The following TSPAN1 variants were observed in gnomAD, a reference collection of about 807,000 sequenced individuals.
TSPAN1 encodes tetraspanin 1, also known as tetraspanin-1.
In TSPAN1, 23 loss-of-function variants were observed where a neutral mutation model predicts 26.9. The ratio of observed to expected loss-of-function variants is 0.85; its 90% confidence interval spans 0.62 to 1.21. The LOEUF is 1.21. Among genes scored for constraint, TSPAN1 ranks in the 50% most tolerant of loss-of-function variants. The probability of loss-of-function intolerance (pLI) is 0.00; values close to 1 mark genes in which losing one functional copy is unlikely to be tolerated. For synonymous variants in TSPAN1, 115 were observed against 114.8 expected, an observed-to-expected ratio of 1.00 and a Z score of -0.01; for missense variants, 283 against 298.4, an observed-to-expected ratio of 0.95 and a Z score of 0.38.
intron 1 of TSPAN1, chr1:46,176,353 C>G (rs1440572612): frequency 6.5e-7 from 1 of 1,535,762 alleles, no homozygotes; most frequent in Non-Finnish European, 8.7e-7. Flanking sequence ...TTGATATCTT[C>G]TGCGGCTACA....
At chr1:46,193,985 C>G in the TSPAN1 span, 5 of 1,601,900 alleles carry the variant, frequency 3.1e-6, no homozygotes, top group African/African-American at 4.0e-5. Context: ...GGATCCCCAC[C>G]TAGGGAAGAC....
At chr1:46,193,576 G>A in the TSPAN1 span, 19 of 1,614,164 alleles carry the variant, frequency 1.2e-5, no homozygotes, top group Middle Eastern at 1.6e-4. Context: ...CATAGTAGCC[G>A]TCAATGAAAA....
intron 8 of TSPAN1, 31 bp from the exon 9 acceptor site, chr1:46,185,455 C>A: frequency 4.3e-6 from 7 of 1,613,074 alleles, no homozygotes; most frequent in Non-Finnish European, 5.1e-6. Context: ...CTATCATGTT[C>A]CCTCATCTCT....
chr1:46,196,001 T>G, the TSPAN1 span: 27 of 1,613,934 alleles, frequency 1.7e-5, no homozygotes, highest in Non-Finnish European at 2.1e-5. The surrounding 1 kb of genome is among the most constrained non-coding windows in gnomAD (Gnocchi z 4.4). Flanking sequence ...CACCCACCCC[T>G]AGAAACTCAC....
chr1:46,176,630 AT>A (rs1403699021), intron 1 of TSPAN1: 1 of 962,828 alleles, frequency 1.0e-6, no homozygotes, highest in Non-Finnish European at 1.5e-6. Flanking sequence ...AATCTTCTTT[AT>A]TGGGTCTGGC....
intron 2 of TSPAN1, 41 bp from the exon 3 acceptor site, chr1:46,181,059 A>C (rs777371369): frequency 6.3e-7 from 1 of 1,589,876 alleles, no homozygotes; most frequent in Admixed American, 1.7e-5. Flanking sequence ...AGGTGGGCCC[A>C]GGGGAAACAA....
chr1:46,192,736 C>T, the TSPAN1 span: 2 of 1,593,864 alleles, frequency 1.3e-6, no homozygotes, highest in Non-Finnish European at 1.7e-6. Context: ...CTCCATTCAT[C>T]CACTGTACCT....
rs1657387858 is a variant in TSPAN1 at position 46,184,642 on chromosome 1, G to A, written c.313G>A (p.Val105Met). ...LIFIAEVAAA[V>M]VALVYTTMAE... is the part of the protein sequence containing the mutation. Reference sequence around the variant, plus strand: ...CTTCATTGCTGAGGTTGCAGCTGCTGTGGTCGCCTTGGTGTACACCACAAT... The same window carrying A: ...CTTCATTGCTGAGGTTGCAGCTGCTATGGTCGCCTTGGTGTACACCACAAT... Residue 105 changes from valine (V) to methionine (M), a missense_variant, in exon 5 of 9, where the codon GTG becomes ATG. Val to Met is a conservative substitution (Grantham distance 21, BLOSUM62 1). Coordinates refer to ENST00000372003, the MANE Select transcript of TSPAN1 (RefSeq NM_005727.4). The A allele has an allele frequency of 6.2e-7, 1 of 1,614,044 alleles. No individual in the cohort carries two copies. Among genetic ancestry groups the A allele is most frequent in the South Asian group, 1.1e-5 (1 of 91,092 alleles).
the TSPAN1 span, chr1:46,191,686 G>A: frequency 3.2e-6 from 1 of 309,600 alleles, no homozygotes; most frequent in South Asian, 2.9e-5. Context: ...CTAGGCTGGA[G>A]TGCAGTGGCG....
At chr1:46,188,576 A>G, downstream of TSPAN1, 1 of 1,400,616 alleles carries the variant, frequency 7.1e-7, no homozygotes, top group Non-Finnish European at 9.5e-7. Flanking sequence ...ATGGAAGATA[A>G]ACTCTGTGGA....
chr1:46,187,809 T>C (rs895706227), downstream of TSPAN1, among the ~76,000 whole-genome samples: 4 of 152,166 alleles, frequency 2.6e-5, no homozygotes, highest in Non-Finnish European at 4.4e-5. Flanking sequence ...GGTGGCGAGA[T>C]ATGTCCAAGC....
At chr1:46,193,998 C>T in the TSPAN1 span, 1 of 1,595,068 alleles carries the variant, frequency 6.3e-7, no homozygotes, top group African/African-American at 1.3e-5. Flanking sequence ...GGGAAGACTT[C>T]TCAGGTGAGG....
intron 2 of TSPAN1, 26 bp from the exon 3 acceptor site, chr1:46,181,074 C>A: frequency 6.2e-7 from 1 of 1,612,114 alleles, no homozygotes; most frequent in Non-Finnish European, 8.5e-7. Flanking sequence ...AAACAAGGCC[C>A]TAACTTGCAC....
At chr1:46,189,098 C>A, downstream of TSPAN1, 1 of 1,501,602 alleles carries the variant, frequency 6.7e-7, no homozygotes, top group Admixed American at 2.4e-5. Context: ...AACTCAGGAA[C>A]GGGGTGTTGG....
downstream of TSPAN1, chr1:46,188,883 C>A: frequency 6.2e-7 from 1 of 1,612,846 alleles, no homozygotes; most frequent in South Asian, 1.1e-5. Context: ...ACCCTCAGGG[C>A]AGCATTCCAG....
At position 46,175,414 on chromosome 1, in the gene TSPAN1, G is replaced by A. The variant is rs1175646400; in HGVS notation, c.-142+5G>A. 1 of 392,920 alleles carries A rather than the reference G, an allele frequency of 2.5e-6. No individual in the cohort carries two copies. The highest frequency in any genetic ancestry group is 2.1e-5 in the African/African-American group (1 of 48,476). 24.3% of individuals were successfully genotyped at this position (392,920 alleles called of 1,614,324 possible). ...CGGTCACTGAAGCCTTTCCCTGTAA[G>A]TATTCAGCCATAACCCTCCCCTCAC... On this transcript the variant is annotated splice_donor_5th_base_variant and intron_variant, in intron 1 of 8. Transcript: ENST00000372003.
chr1:46,184,457 G>A, intron 4 of TSPAN1, 60 bp downstream of exon 4: 2 of 1,610,968 alleles, frequency 1.2e-6, no homozygotes, highest in South Asian at 2.2e-5. Context: ...TTGACACCAG[G>A]CCCTGGGATT....
intron 1 of TSPAN1, chr1:46,176,086 A>G (rs1355545021): frequency 5.7e-6 from 5 of 878,604 alleles, no homozygotes; most frequent in South Asian, 1.7e-5. Flanking sequence ...CGTGTTAGCC[A>G]GGATGGTCTC....
intron 1 of TSPAN1, among the ~76,000 whole-genome samples, chr1:46,177,335 C>CAA (rs200620983): frequency 1.1e-4 from 15 of 138,060 alleles, no homozygotes; most frequent in African/African-American, 3.2e-4. Flanking sequence ...AACTCTGTCT[C>CAA]AAAAAAAAAA....
Sources: gnomAD v4.1 joint callset for allele counts (sites outside exome capture counted in the v4.1 genomes callset) on GRCh38, gnomAD v4.1.1 for gene constraint, Gnocchi (gnomAD v3.1) non-coding constraint, MANE v1.5 for transcripts, NCBI Gene and HGNC (gene_info 2026-07-23, HGNC 2026-07-21) for gene names.